Variants in MBD5 observed in about 807,000 individuals in gnomAD.
MBD5 encodes the protein methyl-CpG-binding domain protein 5.
A neutral mutation model predicts 117.3 loss-of-function variants in MBD5; 13 were observed. That is an observed-to-expected ratio of 0.11 (90% confidence interval 0.07 to 0.18). The LOEUF is 0.18. Among genes scored for constraint, MBD5 ranks in the 10% least tolerant of loss-of-function variants. The pLI is 1.00. For missense variants in MBD5, 1,879 were observed against 2,093.8 expected (o/e 0.90, Z 2.00); for synonymous variants, 727 against 766.4 (o/e 0.95, Z 0.85).
intron 8 of MBD5, among the ~76,000 whole-genome samples, chr2:148,482,175 T>A (rs1451103775): frequency 1.3e-5 from 2 of 152,162 alleles, no homozygotes; most frequent in Non-Finnish European, 2.9e-5. Flanking sequence ...CTAAAATATG[T>A]AAACCCTTTT....
At chr2:148,030,900 CAG>C (rs1233112663) in intron 1 of MBD5, among the ~76,000 whole-genome samples, 1 of 152,086 alleles carries the variant, frequency 6.6e-6, no homozygotes, top group African/African-American at 2.4e-5. Context: ...ACTTATCTAA[CAG>C]GGTGAAAAGC....
intron 4 of MBD5, among the ~76,000 whole-genome samples, chr2:148,397,803 TC>T (rs887347730): frequency 8.0e-6 from 1 of 125,228 alleles, no homozygotes; most frequent in African/African-American, 3.0e-5. Context: ...CCCTCCCCTC[TC>T]CCCCTACCCC....
chr2:148,319,590 T>C, intron 3 of MBD5, among the ~76,000 whole-genome samples: 1 of 152,196 alleles, frequency 6.6e-6, no homozygotes, highest in South Asian at 2.1e-4. Flanking sequence ...TACTGATATC[T>C]GTATGGTAAT....
In MBD5 at chr2:148,483,635, T is replaced by C; in HGVS notation, c.3044T>C (p.Leu1015Pro). ...TCTTTCAATCTGACCATCTCAGATC[T>C]TTTGCAACAGCAAAATACCCCTTTA... is the stretch of plus-strand genomic sequence containing the variant. The part of the protein sequence containing the change: ...LPSFNLTISD[L>P]LQQQNTPLPS... The change falls in exon 9 of 14, where the codon CTT becomes CCT. Residue 1015 changes from leucine (L) to proline (P), a missense_variant. Leu to Pro is a moderately conservative substitution (Grantham distance 98, BLOSUM62 -3). Coordinates refer to ENST00000642680, the MANE Select transcript of MBD5 (RefSeq NM_001378120.1). 6.4e-7 allele frequency: 1 copy of C among 1,551,608 alleles called. No individual in the cohort carries two copies. The highest frequency in any genetic ancestry group is 8.7e-7 in the Non-Finnish European group (1 of 1,147,308).
chr2:148,115,587 T>G (rs1006070431), intron 1 of MBD5, among the ~76,000 whole-genome samples: 4 of 152,220 alleles, frequency 2.6e-5, no homozygotes, highest in Non-Finnish European at 4.4e-5. Flanking sequence ...CATTTTTCTT[T>G]TGGATAGTTT....
intron 1 of MBD5, among the ~76,000 whole-genome samples, chr2:148,048,014 G>T (rs1694581780): frequency 6.6e-6 from 1 of 152,140 alleles, no homozygotes; most frequent in Admixed American, 6.5e-5. Context: ...ATGCTGTCTT[G>T]AAACAATCCT....
At chr2:148,256,717 C>A (rs1700599635) in intron 3 of MBD5, among the ~76,000 whole-genome samples, 1 of 152,256 alleles carries the variant, frequency 6.6e-6, no homozygotes, top group South Asian at 2.1e-4. Context: ...CTAGACCCAT[C>A]TGTGTACCAT....
At chr2:148,198,552 T>C (rs1699053305) in intron 2 of MBD5, among the ~76,000 whole-genome samples, 1 of 152,158 alleles carries the variant, frequency 6.6e-6, no homozygotes, top group South Asian at 2.1e-4. Context: ...TTTTTACATG[T>C]TTTCATAGTA....
At position 148,490,601 on chromosome 2, in the gene MBD5, C is replaced by T. The variant is rs1357945983; in HGVS notation, c.4962+7C>T. ...AAGCCCCGAGGAAGGGAAGGTATAC[C>T]AATCTTTATCCATTGTCAAATACTA... On this transcript the variant is annotated splice_region_variant and intron_variant, in intron 11 of 13. Coordinates refer to ENST00000642680, the MANE Select transcript of MBD5 (RefSeq NM_001378120.1). 2 of 1,613,906 alleles carry T rather than the reference C, an allele frequency of 1.2e-6. No homozygotes were observed. The highest frequency in any genetic ancestry group is 1.6e-4 in the Middle Eastern group (1 of 6,082).
intron 1 of MBD5, among the ~76,000 whole-genome samples, chr2:148,032,918 G>C (rs1019986379): frequency 7.2e-5 from 11 of 152,134 alleles, no homozygotes; most frequent in African/African-American, 2.7e-4. Flanking sequence ...GAGATTAAAA[G>C]TTATGTCTAT....
rs1431224416 is a variant in MBD5 at position 148,269,675 on chromosome 2, T to G, written c.-680+36280T>G. Among the ~76,000 whole-genome samples, 4 of 150,410 alleles carry G rather than the reference T, an allele frequency of 2.7e-5. No individual in the cohort carries two copies. The East Asian group carries it at 7.7e-4, about 29-fold the overall frequency. On this transcript the variant is annotated intron_variant, in intron 3 of 13. Coordinates refer to ENST00000642680, the MANE Select transcript of MBD5 (RefSeq NM_001378120.1). ...TAATTGTGAGTTTTTTTAGTTTTTT[T>G]TTTTTTTTTTTAGTGTAGTATACTT... is the stretch of plus-strand genomic sequence containing the variant.
chr2:148,363,805 GA>G (rs1436965177), intron 4 of MBD5, among the ~76,000 whole-genome samples: 1 of 152,106 alleles, frequency 6.6e-6, no homozygotes, highest in Non-Finnish European at 1.5e-5. Context: ...AAAAAAGAAT[GA>G]AAAGGAACAA....
At chr2:148,043,484 T>TAAATAAATAAATAAATAAATAAAA (rs1018376982) in intron 1 of MBD5, among the ~76,000 whole-genome samples, 1 of 138,134 alleles carries the variant, frequency 7.2e-6, no homozygotes, top group African/African-American at 2.7e-5. Flanking sequence ...AATAAATAAA[T>TAAATAAATAAATAAATAAATAAAA]AAAAGAATAG....
intron 1 of MBD5, among the ~76,000 whole-genome samples, chr2:148,116,864 A>C (rs78771432): frequency 0.012 from 1,871 of 152,302 alleles, 44 homozygotes; most frequent in African/African-American, 0.043. Context: ...TCTGCAGCAC[A>C]TAGGTAAGTC....
At chr2:148,167,440 T>C (rs1308835315) in intron 1 of MBD5, among the ~76,000 whole-genome samples, 2 of 152,192 alleles carry the variant, frequency 1.3e-5, no homozygotes, top group Admixed American at 1.3e-4. Flanking sequence ...ATTTGTTCTG[T>C]TGAACACAGT....
intron 1 of MBD5, among the ~76,000 whole-genome samples, chr2:148,083,777 G>A (rs1242044337): frequency 1.3e-5 from 2 of 151,922 alleles, no homozygotes; most frequent in African/African-American, 2.4e-5. Flanking sequence ...ACAGGCGCAC[G>A]CCACCACGCC....
At chr2:148,425,629 A>C (rs931850231) in intron 4 of MBD5, among the ~76,000 whole-genome samples, 1 of 152,198 alleles carries the variant, frequency 6.6e-6, no homozygotes, top group Non-Finnish European at 1.5e-5. Flanking sequence ...TCGGTGCAAA[A>C]ATTCTCAGTA....
At chr2:148,197,388 T>C (rs1264092517) in intron 2 of MBD5, among the ~76,000 whole-genome samples, 1 of 152,162 alleles carries the variant, frequency 6.6e-6, no homozygotes, top group Non-Finnish European at 1.5e-5. Context: ...AAACTAATGA[T>C]TGTTTGTTAT....
At chr2:148,222,258 A>G (rs1212139877) in intron 2 of MBD5, among the ~76,000 whole-genome samples, 3 of 152,090 alleles carry the variant, frequency 2.0e-5, no homozygotes, top group Non-Finnish European at 4.4e-5. Flanking sequence ...CTGTGGTTCC[A>G]TATAAATTTT....
Sources: allele counts gnomAD v4.1 joint callset (sites outside exome capture counted in the v4.1 genomes callset), GRCh38; gene constraint gnomAD v4.1.1; transcripts MANE v1.5; gene names NCBI Gene and HGNC (gene_info 2026-07-23, HGNC 2026-07-21).